The following ACBD6 variants were observed in gnomAD, a reference collection of about 807,000 sequenced individuals.
The protein encoded by ACBD6 is acyl-CoA-binding domain-containing protein 6.
A neutral mutation model predicts 37.2 loss-of-function variants in ACBD6; 28 were observed. That is an observed-to-expected ratio of 0.75 (90% CI 0.56 to 1.03). The LOEUF (loss-of-function observed/expected upper bound fraction) is 1.03. Among genes scored for constraint, ACBD6 ranks in the 50% least tolerant of loss-of-function variants. ACBD6 has a pLI of 0.00. For missense variants in ACBD6, 340 were observed against 337.4 expected (o/e 1.01, Z -0.06); for synonymous variants, 113 against 126.8 (o/e 0.89, Z 0.73).
intron 6 of ACBD6, among the ~76,000 whole-genome samples, chr1:180,370,755 A>T (rs1191249462): frequency 6.6e-6 from 1 of 152,104 alleles, no homozygotes; most frequent in Non-Finnish European, 1.5e-5. Context: ...ATGCTTTCTC[A>T]AACTCAGGTA....
chr1:180,413,483 AAAAG>A lies in ACBD6; in HGVS notation c.468-16_468-13del. Reference sequence around the variant, plus strand: ...TTTTGTCTTCTTCCCTAGAATAAAAAAAAGAAAGGTCTTTTTTTACTGGGTAATA... The same window carrying A: ...TTTTGTCTTCTTCCCTAGAATAAAAAAAAGGTCTTTTTTTACTGGGTAATA... On this transcript the variant is annotated splice_polypyrimidine_tract_variant and intron_variant, in intron 4 of 7. Transcript: ENST00000367595. 2 of 1,578,502 alleles carry A rather than the reference AAAAG, an allele frequency of 1.3e-6. No individual in the cohort carries two copies. Among genetic ancestry groups the A allele is most frequent in the Non-Finnish European group, 1.7e-6 (2 of 1,150,654 alleles).
At chr1:180,318,173 C>CT (rs1213206735) in intron 6 of ACBD6, among the ~76,000 whole-genome samples, 5 of 120,154 alleles carry the variant, frequency 4.2e-5, no homozygotes, top group Admixed American at 1.6e-4. Flanking sequence ...GCCCCCCCCC[C>CT]CCAAAAAAAA....
intron 3 of ACBD6, among the ~76,000 whole-genome samples, chr1:180,430,932 T>C (rs1648787600): frequency 6.6e-6 from 1 of 152,172 alleles, no homozygotes; most frequent in African/African-American, 2.4e-5. Context: ...GATAATACTG[T>C]CTGCAAGGAT....
At chr1:180,424,570 A>C (rs951099423) in intron 4 of ACBD6, among the ~76,000 whole-genome samples, 1 of 152,202 alleles carries the variant, frequency 6.6e-6, no homozygotes, top group Non-Finnish European at 1.5e-5. Context: ...TCTGCTTCTC[A>C]TTACTGTAAT....
At chr1:180,472,662 T>C (rs1364623574) in intron 3 of ACBD6, among the ~76,000 whole-genome samples, 1 of 152,128 alleles carries the variant, frequency 6.6e-6, no homozygotes, top group Non-Finnish European at 1.5e-5. Flanking sequence ...TCAGCAGGAA[T>C]GCTAAAGAAA....
intron 7 of ACBD6, among the ~76,000 whole-genome samples, chr1:180,309,546 G>A (rs1464426646): frequency 7.2e-5 from 11 of 152,132 alleles, no homozygotes; most frequent in African/African-American, 2.7e-4. Context: ...ACCTGAATGA[G>A]GGAATGAAAG....
At chr1:180,382,423 C>T (rs1372883907) in intron 6 of ACBD6, among the ~76,000 whole-genome samples, 2 of 152,048 alleles carry the variant, frequency 1.3e-5, no homozygotes, top group Non-Finnish European at 2.9e-5. Flanking sequence ...CAATTATGAA[C>T]AATTACACAA....
chr1:180,315,628 G>A (rs1354658798), intron 6 of ACBD6, among the ~76,000 whole-genome samples: 1 of 152,210 alleles, frequency 6.6e-6, no homozygotes, highest in African/African-American at 2.4e-5. Context: ...ACAGCTGAAT[G>A]TAGGGGTGGA....
chr1:180,283,531 A>G (rs1649377838), downstream of ACBD6, among the ~76,000 whole-genome samples: 1 of 152,220 alleles, frequency 6.6e-6, no homozygotes, highest in Non-Finnish European at 1.5e-5. Flanking sequence ...TCTGTCATGC[A>G]TAGAAACCAG....
At chr1:180,392,410 C>T (rs1654111410) in intron 6 of ACBD6, among the ~76,000 whole-genome samples, 2 of 151,874 alleles carry the variant, frequency 1.3e-5, no homozygotes, top group South Asian at 4.2e-4. Flanking sequence ...TACTAAATAG[C>T]TTTAAAATAT....
chr1:180,343,396 G>A (rs1652053026), intron 6 of ACBD6, among the ~76,000 whole-genome samples: 1 of 152,134 alleles, frequency 6.6e-6, no homozygotes, highest in Non-Finnish European at 1.5e-5. Flanking sequence ...AAGGCAAGAA[G>A]TACCCATAAT....
chr1:180,372,674 G>C (rs1291421063), intron 6 of ACBD6, among the ~76,000 whole-genome samples: 1 of 152,110 alleles, frequency 6.6e-6, no homozygotes. Flanking sequence ...CATCCTTAGA[G>C]AATGTTCATT....
chr1:180,339,207 T>C (rs1651872815), intron 6 of ACBD6, among the ~76,000 whole-genome samples: 1 of 152,224 alleles, frequency 6.6e-6, no homozygotes, highest in Middle Eastern at 3.2e-3. Flanking sequence ...GTATAAATCA[T>C]GCTGCTATAA....
chr1:180,359,921 A>G (rs1016887186), intron 6 of ACBD6, among the ~76,000 whole-genome samples: 89 of 152,210 alleles, frequency 5.8e-4, no homozygotes, highest in Admixed American at 5.8e-3. Flanking sequence ...ACAGACATAG[A>G]AAGTGAGATA....
intron 5 of ACBD6, among the ~76,000 whole-genome samples, chr1:180,400,032 G>A (rs938205997): frequency 6.6e-6 from 1 of 152,040 alleles, no homozygotes; most frequent in African/African-American, 2.4e-5. Flanking sequence ...CTATCTCTCA[G>A]CCACGTTCCT....
chr1:180,370,235 G>A (rs2101914121), intron 6 of ACBD6, among the ~76,000 whole-genome samples: 1 of 152,278 alleles, frequency 6.6e-6, no homozygotes, highest in African/African-American at 2.4e-5. Context: ...TTAAAGGGAG[G>A]TTGTAGTTAG....
At chr1:180,486,036 A>G (rs934229258) in intron 3 of ACBD6, among the ~76,000 whole-genome samples, 2 of 152,070 alleles carry the variant, frequency 1.3e-5, no homozygotes, top group African/African-American at 4.8e-5. Context: ...ATGTTGAGAG[A>G]GGCAATCTAC....
rs533537531 is a variant in ACBD6, at chr1:180,344,737, T to C, written c.664-30015A>G. Among the ~76,000 whole-genome samples, 9 of 152,354 alleles carry C rather than the reference T, an allele frequency of 5.9e-5. No individual in the cohort carries two copies. In the East Asian group the frequency reaches 1.7e-3, roughly 29 times the overall value. ...AGTAAAATGATGCTCAGAGACATTATATAACTTGCCTAAGGTCCCAGGCCC... is the reference window on the plus strand; with the variant it reads ...AGTAAAATGATGCTCAGAGACATTACATAACTTGCCTAAGGTCCCAGGCCC... On this transcript the variant is annotated intron_variant, in intron 6 of 7. Coordinates refer to ENST00000367595, the MANE Select transcript of ACBD6 (RefSeq NM_032360.4).
intron 7 of ACBD6, among the ~76,000 whole-genome samples, chr1:180,304,593 G>C (rs1001848657): frequency 1.1e-4 from 16 of 150,706 alleles, no homozygotes; most frequent in East Asian, 1.9e-4. Context: ...ACTGCTCAAG[G>C]AAATAAAAGA....
Sources: gnomAD v4.1 joint callset for allele counts (sites outside exome capture counted in the v4.1 genomes callset) on GRCh38, gnomAD v4.1.1 for gene constraint, MANE v1.5 for transcripts, NCBI Gene and HGNC (gene_info 2026-07-23, HGNC 2026-07-21) for gene names.